POLN: variants seen among roughly 807,000 people sequenced by gnomAD.
POLN encodes DNA polymerase nu, also known as DNA polymerase N.
POLN carries 108 observed loss-of-function variants against 113.5 expected under a neutral mutation model. That is an observed-to-expected ratio of 0.95 (90% confidence interval 0.81 to 1.12). The LOEUF is 1.12. Among genes scored for constraint, POLN ranks in the 50% most tolerant of loss-of-function variants. The pLI, the probability that POLN is intolerant of heterozygous loss-of-function variation, is 0.00. For synonymous variants in POLN, 386 were observed against 391.5 expected (o/e 0.99, Z 0.17); for missense variants, 1,097 against 1,077.1 (o/e 1.02, Z -0.26).
intron 16 of POLN, among the ~76,000 whole-genome samples, chr4:2,155,513 G>A (rs571749986): frequency 2.6e-5 from 4 of 152,152 alleles, no homozygotes; most frequent in Admixed American, 6.5e-5. Flanking sequence ...GCATGCACTC[G>A]GTACACCATC....
chr4:2,178,284 C>T (rs1733044777), intron 8 of POLN, among the ~76,000 whole-genome samples: 1 of 152,242 alleles, frequency 6.6e-6, no homozygotes, highest in Non-Finnish European at 1.5e-5. Context: ...TTACCCCCAG[C>T]TCAGTGCCCA....
At chr4:2,215,188 C>A (rs1244221311) in intron 3 of POLN, among the ~76,000 whole-genome samples, 2 of 152,096 alleles carry the variant, frequency 1.3e-5, no homozygotes, top group Non-Finnish European at 2.9e-5. Context: ...ATATCCACAT[C>A]ATGAAATACA....
chr4:2,100,024 T>A (rs987470205), intron 19 of POLN, among the ~76,000 whole-genome samples: 1 of 148,534 alleles, frequency 6.7e-6, no homozygotes, highest in African/African-American at 2.5e-5. Flanking sequence ...GAGCTGAGAT[T>A]GTGCCACTGC....
intron 21 of POLN, among the ~76,000 whole-genome samples, chr4:2,083,167 CAG>C (rs1192509490): frequency 2.0e-5 from 3 of 152,196 alleles, no homozygotes; most frequent in African/African-American, 4.8e-5. Flanking sequence ...TGTTCAAAAA[CAG>C]ACACAAGGGG....
At chr4:2,218,277 C>CA (rs376746658) in intron 3 of POLN, among the ~76,000 whole-genome samples, 4,270 of 89,770 alleles carry the variant, frequency 0.048, 112 homozygotes, top group African/African-American at 0.079. Flanking sequence ...ACTAAAAATA[C>CA]AAAAAAAAAA....
chr4:2,098,845 G>C (rs369302592), intron 19 of POLN, among the ~76,000 whole-genome samples: 2 of 152,158 alleles, frequency 1.3e-5, no homozygotes, highest in African/African-American at 4.8e-5. Context: ...AAACATACAA[G>C]ATGAACCTGG....
Position 2,170,776 on chromosome 4 carries a change from T to C in POLN, c.1459-2A>G, listed in dbSNP as rs1299579506. 6.2e-7 allele frequency: 1 copy of C among 1,612,584 alleles called. No individual in the cohort carries two copies. The highest frequency in any genetic ancestry group is 2.2e-5 in the East Asian group (1 of 44,864). On this transcript the variant is annotated splice_acceptor_variant, in intron 12 of 25. Coordinates refer to ENST00000511885, the MANE Select transcript of POLN (RefSeq NM_181808.4). LOFTEE classifies it high-confidence loss of function. Reference sequence around the variant, plus strand: ...CAGCTTTAACTTGCCAAAGAGGATCTTCAACAAAACAAATTAAACATGGTG... The same window carrying C: ...CAGCTTTAACTTGCCAAAGAGGATCCTCAACAAAACAAATTAAACATGGTG...
rs550411994 is a variant in POLN at position 2,221,736 on chromosome 4, C to G, written c.133+7363G>C. Among the ~76,000 whole-genome samples the G allele has an allele frequency of 2.0e-5, 3 of 152,192 alleles. 1 individual carries two copies. The highest frequency in any genetic ancestry group is 1.5e-5 in the Non-Finnish European group (1 of 68,016). On this transcript the variant is annotated intron_variant, in intron 3 of 25. Transcript: ENST00000511885. ...GATTACAGGCACCTGCCACCATGCT[C>G]GGCTAATATTCGATTTTTAGTAGAG...
chr4:2,240,331 G>T, intron 2 of POLN: 1 of 1,603,330 alleles, frequency 6.2e-7, no homozygotes, highest in South Asian at 1.1e-5. Flanking sequence ...TGCTCTTCCT[G>T]ACTTAGGTAT....
At chr4:2,128,026 G>A (rs1731626780) in intron 19 of POLN, 87 bp downstream of exon 19, 1 of 833,512 alleles carries the variant, frequency 1.2e-6, no homozygotes, top group South Asian at 1.6e-5. Context: ...TCTGCCTTAT[G>A]AAAGTAGCCT....
At chr4:2,072,728 G>A (rs1363088580) in intron 25 of POLN, among the ~76,000 whole-genome samples, 1 of 152,200 alleles carries the variant, frequency 6.6e-6, no homozygotes, top group Admixed American at 6.5e-5. Flanking sequence ...AGCCTTCACA[G>A]CTCTTGACAG....
intron 16 of POLN, among the ~76,000 whole-genome samples, chr4:2,152,257 C>T (rs970023162): frequency 1.3e-5 from 2 of 151,214 alleles, no homozygotes; most frequent in Non-Finnish European, 2.9e-5. Flanking sequence ...AGCCTGGTCT[C>T]GAACTCCTGA....
rs183150205 is a variant in POLN, at chr4:2,147,845, G to A, written c.1731+8943C>T. On this transcript the variant is annotated intron_variant, in intron 16 of 25. Transcript: ENST00000511885. ...TTTAGTAGAAGTGTGGTTTCTCCAT[G>A]TTGGTCAGGCTGGTCTCGATCTCCT... Among the ~76,000 whole-genome samples the A allele has an allele frequency of 3.3e-4, 50 of 152,090 alleles. 1 individual carries two copies. In the East Asian group the frequency reaches 7.9e-3, roughly 24 times the overall value.
At chr4:2,184,106 C>G (rs951348720) in intron 7 of POLN, among the ~76,000 whole-genome samples, 1 of 150,848 alleles carries the variant, frequency 6.6e-6, no homozygotes, top group Non-Finnish European at 1.5e-5. Flanking sequence ...CACTCGTCTC[C>G]GCCTCCCAAA....
intron 16 of POLN, among the ~76,000 whole-genome samples, chr4:2,138,811 C>A (rs940246186): frequency 6.6e-6 from 1 of 151,836 alleles, no homozygotes; most frequent in Admixed American, 6.6e-5. Flanking sequence ...CTGAGCTACT[C>A]TGAACCCGGG....
At chr4:2,073,485 A>AC (rs1442871596) in intron 24 of POLN, among the ~76,000 whole-genome samples, 2 of 151,782 alleles carry the variant, frequency 1.3e-5, no homozygotes, top group Non-Finnish European at 2.9e-5. Flanking sequence ...GCACACAAGA[A>AC]CCCCCCATCC....
At chr4:2,108,431 T>C (rs1197273009) in intron 19 of POLN, among the ~76,000 whole-genome samples, 3 of 152,098 alleles carry the variant, frequency 2.0e-5, no homozygotes, top group African/African-American at 7.2e-5. Context: ...TAGTAAGAAC[T>C]TGATAAATAT....
At chr4:2,104,100 T>C (rs1442447977) in intron 19 of POLN, among the ~76,000 whole-genome samples, 1 of 152,132 alleles carries the variant, frequency 6.6e-6, no homozygotes, top group Admixed American at 6.5e-5. Context: ...CTACAGAATT[T>C]CACCAAACCA....
chr4:2,135,894 T>C (rs913398109), intron 16 of POLN, among the ~76,000 whole-genome samples: 2 of 152,206 alleles, frequency 1.3e-5, no homozygotes, highest in African/African-American at 4.8e-5. Context: ...GATCACTACC[T>C]GCAGGCATCC....
Sources: gnomAD v4.1 joint callset for allele counts (sites outside exome capture counted in the v4.1 genomes callset) on GRCh38, gnomAD v4.1.1 for gene constraint, MANE v1.5 for transcripts, NCBI Gene and HGNC (gene_info 2026-07-23, HGNC 2026-07-21) for gene names.